GPC3: variants seen among roughly 807,000 people sequenced by gnomAD.
The protein encoded by GPC3 is glypican-3.
A neutral mutation model predicts 34.4 loss-of-function variants in GPC3; 3 were observed. That is an observed-to-expected ratio of 0.09 (90% CI 0.04 to 0.23). The LOEUF (loss-of-function observed/expected upper bound fraction) is 0.23, where lower values mean the gene tolerates loss of function less well. GPC3 is among the 10% of genes least tolerant of loss of function. GPC3 has a pLI of 1.00. For missense variants in GPC3, 351 were observed against 445.6 expected (o/e 0.79, Z 1.91); for synonymous variants, 177 against 174.0 (o/e 1.02, Z -0.13).
chrX:133,863,749 G>A (rs1269592758), intron 2 of GPC3, among the ~76,000 whole-genome samples: 2 of 96,756 alleles, frequency 2.1e-5, no homozygotes, highest in Non-Finnish European at 4.0e-5. Flanking sequence ...TCCGCTTCCC[G>A]GGTTCACGCC....
At chrX:133,962,413 G>A (rs1418636632) in intron 1 of GPC3, among the ~76,000 whole-genome samples, 1 of 112,181 alleles carries the variant, frequency 8.9e-6, no homozygotes, top group African/African-American at 3.2e-5. Flanking sequence ...TTCACTTGGA[G>A]GTAATGTCAG....
intron 3 of GPC3, among the ~76,000 whole-genome samples, chrX:133,701,118 C>CT (rs1223070890): frequency 5.4e-5 from 6 of 111,137 alleles, no homozygotes; most frequent in African/African-American, 1.3e-4. Flanking sequence ...TATAGCAATA[C>CT]TTTTTTTAAA....
intron 1 of GPC3, among the ~76,000 whole-genome samples, chrX:133,953,457 G>C (rs920215483): frequency 9.0e-6 from 1 of 111,422 alleles, no homozygotes. Context: ...TAATTGCCTA[G>C]GTTTGACTCA....
intron 2 of GPC3, among the ~76,000 whole-genome samples, chrX:133,911,686 A>G (rs1257671163): frequency 8.9e-6 from 1 of 111,945 alleles, no homozygotes; most frequent in Admixed American, 9.5e-5. Flanking sequence ...AACAGTATAT[A>G]ACTGAACTTT....
At chrX:133,763,366 T>C in intron 2 of GPC3, 1 of 543,302 alleles carries the variant, frequency 1.8e-6, no homozygotes, top group East Asian at 3.3e-5. Context: ...TACCATTTCC[T>C]GCAAACGCCT....
chrX:133,603,590 T>C (rs774040330), intron 6 of GPC3, among the ~76,000 whole-genome samples: 1 of 112,099 alleles, frequency 8.9e-6, no homozygotes, highest in South Asian at 3.8e-4. Flanking sequence ...TCTTGACCTT[T>C]TGTCTTTGTA....
intron 3 of GPC3, among the ~76,000 whole-genome samples, chrX:133,717,570 T>C (rs895469028): frequency 8.1e-5 from 9 of 110,919 alleles, no homozygotes; most frequent in African/African-American, 1.3e-4. Flanking sequence ...CCCCCAGTCA[T>C]GCACCCCCTG....
intron 6 of GPC3, among the ~76,000 whole-genome samples, chrX:133,617,211 C>A (rs1236473125): frequency 3.6e-5 from 4 of 112,004 alleles, no homozygotes; most frequent in Admixed American, 2.8e-4. Context: ...TTCACCCAGT[C>A]ACAAAGGTCA....
chrX:133,596,840 C>A (rs1308681251), intron 6 of GPC3, among the ~76,000 whole-genome samples: 8 of 111,338 alleles, frequency 7.2e-5, no homozygotes, highest in Admixed American at 6.7e-4. Context: ...CATGCAGTAG[C>A]CAGAGTGTAT....
intron 7 of GPC3, among the ~76,000 whole-genome samples, chrX:133,559,915 G>GGTC (rs1219580862): frequency 9.0e-6 from 1 of 111,031 alleles, no homozygotes; most frequent in East Asian, 2.8e-4. Flanking sequence ...CTATGTCTCT[G>GGTC]CTCCTGTCTC....
intron 6 of GPC3, among the ~76,000 whole-genome samples, chrX:133,614,913 A>G (rs1277290126): frequency 8.9e-6 from 1 of 111,883 alleles, no homozygotes; most frequent in African/African-American, 3.2e-5. Context: ...CTGGAATACT[A>G]TAGACATCAC....
At chrX:133,931,825 T>A (rs759923214) in intron 2 of GPC3, among the ~76,000 whole-genome samples, 7 of 111,694 alleles carry the variant, frequency 6.3e-5, no homozygotes, top group Non-Finnish European at 1.3e-4. Flanking sequence ...AGCAGAGCCA[T>A]GAATATAAAC....
chrX:133,744,604 C>T (rs186298189), intron 3 of GPC3, among the ~76,000 whole-genome samples: 24 of 112,217 alleles, frequency 2.1e-4, no homozygotes, highest in African/African-American at 7.8e-4. Context: ...GACAGTGTGG[C>T]GATTCCTCAA....
At chrX:133,783,127 C>G (rs145860493) in intron 2 of GPC3, among the ~76,000 whole-genome samples, 5,065 of 110,306 alleles carry the variant, frequency 0.046, 109 homozygotes, top group South Asian at 0.073. Flanking sequence ...AGCTAGGGAT[C>G]CAAGGTCTGG....
chrX:133,754,180 TAAAAA>T lies in GPC3; in HGVS notation c.338-9_338-5del. On this transcript the variant is annotated splice_region_variant and splice_polypyrimidine_tract_variant and intron_variant, in intron 2 of 7. Coordinates refer to ENST00000370818, the MANE Select transcript of GPC3 (RefSeq NM_004484.4). ...CGAACAACAATTTCAAAGGCCTCTG[TAAAAA>T]AAAAAAAAAAAGAGACACAAAAATG... 3.5e-5 allele frequency: 33 copies of T among 944,927 alleles called. No homozygotes were observed. Among genetic ancestry groups the T allele is most frequent in the Non-Finnish European group, 4.0e-5 (28 of 693,604 alleles). 77.9% of individuals were successfully genotyped at this position (944,927 alleles called of 1,213,427 possible).
intron 6 of GPC3, among the ~76,000 whole-genome samples, chrX:133,610,424 C>T (rs2070097399): frequency 1.8e-5 from 2 of 110,895 alleles, no homozygotes; most frequent in African/African-American, 6.6e-5. Context: ...ACTGTTCCAC[C>T]TTTCTCTTCA....
chrX:133,930,755 C>T (rs112405268), intron 2 of GPC3, among the ~76,000 whole-genome samples: 52 of 112,049 alleles, frequency 4.6e-4, no homozygotes, highest in African/African-American at 1.4e-3. Context: ...CCTGCCTCAG[C>T]CTCCTGAGTA....
chrX:133,815,035 T>C (rs944990656), intron 2 of GPC3, among the ~76,000 whole-genome samples: 1 of 111,135 alleles, frequency 9.0e-6, no homozygotes, highest in African/African-American at 3.3e-5. Flanking sequence ...CAATATAAAA[T>C]AGAACAATGA....
intron 2 of GPC3, among the ~76,000 whole-genome samples, chrX:133,794,776 C>T (rs764500109): frequency 8.9e-5 from 10 of 112,170 alleles, no homozygotes; most frequent in Non-Finnish European, 1.9e-4. Flanking sequence ...CAGTGGCTTC[C>T]TATGCTAGTT....
Sources: allele counts gnomAD v4.1 joint callset (sites outside exome capture counted in the v4.1 genomes callset), GRCh38; gene constraint gnomAD v4.1.1; transcripts MANE v1.5; gene names NCBI Gene and HGNC (gene_info 2026-07-23, HGNC 2026-07-21).